The following EFNA5 variants were observed in gnomAD, a reference collection of about 807,000 sequenced individuals.
EFNA5 encodes the protein ephrin-A5.
EFNA5 carries 5 observed loss-of-function variants against 22.9 expected under a neutral mutation model. That is an observed-to-expected ratio of 0.22 (90% CI 0.11 to 0.46). EFNA5 has a LOEUF of 0.46. EFNA5 is among the 20% of genes least tolerant of loss of function. EFNA5 has a pLI of 0.99. For missense variants in EFNA5, 237 were observed against 293.3 expected (o/e 0.81, Z 1.40); for synonymous variants, 113 against 112.2 (o/e 1.01, Z -0.04).
At position 107,380,830 on chromosome 5, in the gene EFNA5, G is replaced by A. The variant is rs1338800783; in HGVS notation, c.*425C>T. 9.8e-6 allele frequency: 4 copies of A among 409,096 alleles called. No homozygotes were observed. The highest frequency in any genetic ancestry group is 1.7e-5 in the Non-Finnish European group (4 of 231,612). 25.3% of individuals were successfully genotyped at this position (409,096 alleles called of 1,614,324 possible). A position where few individuals can be genotyped will look rare whatever the true frequency, so the allele number is the denominator to read the frequency against. The stretch of plus-strand genomic sequence containing the variant: ...GAAGGCATAAATATTGCATAGGAGA[G>A]CAAAACCCTCCCAGCCCTAGCCAGC... On this transcript the variant is annotated 3_prime_UTR_variant, in exon 5 of 5. Coordinates refer to ENST00000333274, the MANE Select transcript of EFNA5 (RefSeq NM_001962.3).
chr5:107,588,254 G>C (rs997669138), intron 1 of EFNA5, among the ~76,000 whole-genome samples: 2 of 151,788 alleles, frequency 1.3e-5, no homozygotes, highest in Non-Finnish European at 2.9e-5. Context: ...AAGCAACAGA[G>C]ATAGACACCA....
intron 1 of EFNA5, among the ~76,000 whole-genome samples, chr5:107,527,492 G>T (rs1320836049): frequency 6.6e-6 from 1 of 151,778 alleles, no homozygotes; most frequent in Non-Finnish European, 1.5e-5. Context: ...TCACCATGTT[G>T]GCCAGGCTTA....
intron 1 of EFNA5, 41 bp from the exon 2 acceptor site, chr5:107,427,550 A>T (rs1419249775): frequency 6.5e-7 from 1 of 1,533,748 alleles, no homozygotes; most frequent in Non-Finnish European, 8.8e-7. Context: ...TTCATAGAGA[A>T]AGGGCTTTCT....
At chr5:107,412,425 T>C (rs1368966063) in intron 2 of EFNA5, among the ~76,000 whole-genome samples, 1 of 152,182 alleles carries the variant, frequency 6.6e-6, no homozygotes, top group Non-Finnish European at 1.5e-5. Flanking sequence ...TGGCAGTCAA[T>C]CTGGTTGATA....
At chr5:107,503,476 T>G (rs1037858326) in intron 1 of EFNA5, among the ~76,000 whole-genome samples, 2 of 152,218 alleles carry the variant, frequency 1.3e-5, no homozygotes, top group Non-Finnish European at 2.9e-5. Context: ...AATTCCTCGC[T>G]GTTTTCAATC....
chr5:107,529,281 C>A (rs1747761474), intron 1 of EFNA5, among the ~76,000 whole-genome samples: 1 of 152,118 alleles, frequency 6.6e-6, no homozygotes, highest in South Asian at 2.1e-4. Context: ...GTACTCTGTT[C>A]ACAGGTAACA....
At chr5:107,569,541 ATGTGTG>A (rs1300267077) in intron 1 of EFNA5, among the ~76,000 whole-genome samples, 2 of 125,638 alleles carry the variant, frequency 1.6e-5, no homozygotes, top group Admixed American at 9.0e-5. Context: ...TTATATATAT[ATGTGTG>A]TATATATATA....
chr5:107,593,570 T>C (rs1158894581), intron 1 of EFNA5, among the ~76,000 whole-genome samples: 1 of 152,046 alleles, frequency 6.6e-6, no homozygotes, highest in Non-Finnish European at 1.5e-5. Context: ...CTAGGGAGCT[T>C]TCAAAACCAC....
At chr5:107,565,575 CA>C (rs1407192473) in intron 1 of EFNA5, among the ~76,000 whole-genome samples, 1 of 152,136 alleles carries the variant, frequency 6.6e-6, no homozygotes. Flanking sequence ...ATTTGCACAA[CA>C]AAGTTTGCTG....
chr5:107,521,512 T>C (rs1392473353), intron 1 of EFNA5, among the ~76,000 whole-genome samples: 1 of 148,844 alleles, frequency 6.7e-6, no homozygotes, highest in East Asian at 2.0e-4. Context: ...GGTTTCCATA[T>C]GTTGCCCAGG....
chr5:107,623,639 T>C (rs1180115107), intron 1 of EFNA5, among the ~76,000 whole-genome samples: 1 of 151,518 alleles, frequency 6.6e-6, no homozygotes, highest in Middle Eastern at 3.2e-3. Flanking sequence ...ATCACTACAA[T>C]AATTTATTGT....
intron 1 of EFNA5, among the ~76,000 whole-genome samples, chr5:107,636,444 A>C (rs1750375118): frequency 6.6e-6 from 1 of 152,228 alleles, no homozygotes; most frequent in African/African-American, 2.4e-5. Flanking sequence ...TTATAGATTA[A>C]TAATCCAAAA....
chr5:107,441,853 T>C (rs971349472), intron 1 of EFNA5, among the ~76,000 whole-genome samples: 8 of 152,188 alleles, frequency 5.3e-5, no homozygotes, highest in African/African-American at 1.9e-4. Flanking sequence ...ATGTGGAAAA[T>C]TGTGTTGATT....
chr5:107,540,887 C>T (rs1355393066), intron 1 of EFNA5, among the ~76,000 whole-genome samples: 6 of 152,058 alleles, frequency 3.9e-5, no homozygotes, highest in Non-Finnish European at 4.4e-5. Context: ...GAGGCAGAGG[C>T]GGGTGGATCA....
At chr5:107,617,548 T>G (rs1334325008) in intron 1 of EFNA5, among the ~76,000 whole-genome samples, 1 of 152,034 alleles carries the variant, frequency 6.6e-6, no homozygotes, top group Non-Finnish European at 1.5e-5. Flanking sequence ...ATTTCAGACA[T>G]GACAATGAAG....
rs577325488 is a variant in EFNA5 at position 107,663,363 on chromosome 5, G to A, written c.125+7126C>T. 5.3e-5 allele frequency among the ~76,000 whole-genome samples: 8 copies of A among 152,154 alleles called. No individual in the cohort carries two copies. In the East Asian group the frequency reaches 1.2e-3, roughly 22 times the overall value. On this transcript the variant is annotated intron_variant, in intron 1 of 4. Coordinates refer to ENST00000333274, the MANE Select transcript of EFNA5 (RefSeq NM_001962.3). ...CATGGTAATCCATATATTATACTGC[G>A]TGGTTATTTTAAATCATTAATAGCA...
intron 1 of EFNA5, among the ~76,000 whole-genome samples, chr5:107,488,699 T>G (rs1746714984): frequency 7.2e-6 from 1 of 139,406 alleles, no homozygotes; most frequent in Non-Finnish European, 1.5e-5. Context: ...AAAAAAACTC[T>G]TTTTTTTTCC....
intron 1 of EFNA5, among the ~76,000 whole-genome samples, chr5:107,494,756 T>C (rs1239662092): frequency 3.3e-5 from 5 of 152,108 alleles, no homozygotes; most frequent in Admixed American, 3.3e-4. Flanking sequence ...TGGTGGGGCC[T>C]TGGAGAACCT....
chr5:107,636,339 G>T (rs773311591), intron 1 of EFNA5, among the ~76,000 whole-genome samples: 24 of 152,200 alleles, frequency 1.6e-4, no homozygotes, highest in Non-Finnish European at 2.9e-4. Flanking sequence ...TGCCCAGCTT[G>T]CCTGCAAGGA....
Sources: allele counts gnomAD v4.1 joint callset (sites outside exome capture counted in the v4.1 genomes callset), GRCh38; gene constraint gnomAD v4.1.1; transcripts MANE v1.5; gene names NCBI Gene and HGNC (gene_info 2026-07-23, HGNC 2026-07-21).